ZBTB5: variants seen among roughly 807,000 people sequenced by gnomAD.
The protein encoded by ZBTB5 is zinc finger and BTB domain-containing protein 5.
A neutral mutation model predicts 37.9 loss-of-function variants in ZBTB5; 15 were observed. The observed-to-expected ratio is 0.40, with a 90% confidence interval of 0.26 to 0.61. ZBTB5 has a LOEUF of 0.61. Ranked by LOEUF, ZBTB5 falls within the 20% of genes least tolerant of loss-of-function variation. ZBTB5 has a pLI of 0.47. For synonymous variants in ZBTB5, 315 were observed against 312.4 expected (o/e 1.01, Z -0.09); for missense variants, 708 against 856.8 (o/e 0.83, Z 2.17).
At chr9:37,462,617 G>A (rs898041453) in intron 1 of ZBTB5, among the ~76,000 whole-genome samples, 1 of 147,744 alleles carries the variant, frequency 6.8e-6, no homozygotes, top group Non-Finnish European at 1.5e-5. Context: ...CTCCAAGTGT[G>A]CAGTGGCATG....
rs1177582933 is a variant in ZBTB5, at chr9:37,438,236, A to G, written c.*2282T>C. The G allele has an allele frequency of 2.0e-5, 3 of 152,660 alleles. No homozygotes were observed. Among genetic ancestry groups the G allele is most frequent in the East Asian group, 3.9e-4 (2 of 5,192 alleles). The allele number at this position is 152,660 out of a possible 1,614,324, so 9.5% of individuals were successfully genotyped here. ...ATCTGTTCACCAGAAAAGATTCTAC[A>G]TGATCACGCCAGACTATAATTAAGG... On this transcript the variant is annotated 3_prime_UTR_variant, in exon 2 of 2. Coordinates refer to ENST00000307750, the MANE Select transcript of ZBTB5 (RefSeq NM_014872.3).
intron 1 of ZBTB5, among the ~76,000 whole-genome samples, chr9:37,456,174 C>T (rs889805937): frequency 6.6e-6 from 1 of 152,084 alleles, no homozygotes; most frequent in Non-Finnish European, 1.5e-5. Context: ...TGGTTTCAAA[C>T]TCCTGGGCTC....
chr9:37,448,361 C>T (rs1403295375), intron 1 of ZBTB5, among the ~76,000 whole-genome samples: 1 of 152,166 alleles, frequency 6.6e-6, no homozygotes, highest in African/African-American at 2.4e-5. Flanking sequence ...ATGATTCCAC[C>T]TTGGGAAAGT....
At chr9:37,458,554 C>T (rs1824233085) in intron 1 of ZBTB5, among the ~76,000 whole-genome samples, 1 of 152,180 alleles carries the variant, frequency 6.6e-6, no homozygotes, top group African/African-American at 2.4e-5. Context: ...AATAAGATAA[C>T]TTAGTACTAC....
chr9:37,440,849 G>A lies in ZBTB5; in HGVS notation c.1703C>T (p.Thr568Met), dbSNP rs768533540. The change falls in exon 2 of 2, where the codon ACG (threonine) becomes ATG (methionine). Residue 568 changes from threonine to methionine, a missense_variant. By Grantham distance (81) the Thr-to-Met change is moderately conservative. Coordinates refer to ENST00000307750, the MANE Select transcript of ZBTB5 (RefSeq NM_014872.3). ...AGGATGGCCATTTTCAAATGAGGAC[G>A]TAGCTCCATTCATCATTAGCTGAGA... ...TSSQLMMNGA[T>M]SSFENGHPSQ... 1.1e-5 allele frequency: 18 copies of A among 1,614,076 alleles called. No individual in the cohort carries two copies. Among genetic ancestry groups the A allele is most frequent in the Middle Eastern group, 3.3e-4 (2 of 6,084 alleles).
At chr9:37,465,111 T>C (rs937909094) in intron 1 of ZBTB5, 104 bp downstream of exon 1, 1 of 152,312 alleles carries the variant, frequency 6.6e-6, no homozygotes, top group Non-Finnish European at 1.5e-5. Flanking sequence ...GGGGCACCAG[T>C]ACACGTCTGC....
chr9:37,451,008 G>A (rs112635286), intron 1 of ZBTB5, among the ~76,000 whole-genome samples: 14 of 151,852 alleles, frequency 9.2e-5, no homozygotes, highest in Admixed American at 5.3e-4. Context: ...TGAGACCCCC[G>A]TCTCTACCAA....
chr9:37,440,486 T>G lies in ZBTB5; in HGVS notation c.*32A>C. The G allele has an allele frequency of 6.3e-7, 1 of 1,591,052 alleles. No homozygotes were observed. The highest frequency in any genetic ancestry group is 8.6e-7 in the Non-Finnish European group (1 of 1,162,248). Reference sequence around the variant, plus strand: ...ACCAAAAGAAATTCAGTCTGACAACTGGCCTCAGCGTTGTCTTGTAAGGAC... The same window carrying G: ...ACCAAAAGAAATTCAGTCTGACAACGGGCCTCAGCGTTGTCTTGTAAGGAC... On this transcript the variant is annotated 3_prime_UTR_variant, in exon 2 of 2. Coordinates refer to ENST00000307750, the MANE Select transcript of ZBTB5 (RefSeq NM_014872.3).
chr9:37,465,106 A>C (rs926598755), intron 1 of ZBTB5, 109 bp downstream of exon 1: 3 of 152,312 alleles, frequency 2.0e-5, no homozygotes, highest in African/African-American at 7.2e-5. Context: ...GTCCGGGGGC[A>C]CCAGTACACG....
At chr9:37,445,622 G>A (rs1057410843) in intron 1 of ZBTB5, among the ~76,000 whole-genome samples, 11 of 151,404 alleles carry the variant, frequency 7.3e-5, no homozygotes, top group African/African-American at 2.4e-4. Context: ...CTCTAATCTG[G>A]GAGACAGAGT....
intron 1 of ZBTB5, 128 bp from the exon 2 acceptor site, chr9:37,442,683 T>C: frequency 1.4e-6 from 1 of 705,844 alleles, no homozygotes. Flanking sequence ...ATATCTCTGA[T>C]AATGGGCACA....
intron 1 of ZBTB5, among the ~76,000 whole-genome samples, chr9:37,443,627 A>G (rs1181026446): frequency 6.6e-6 from 1 of 152,200 alleles, no homozygotes; most frequent in African/African-American, 2.4e-5. Context: ...TCCAATTAAA[A>G]AAAACAAAAA....
Position 37,438,104 on chromosome 9 carries a change from T to TC in ZBTB5, c.*2413_*2414insG. On this transcript the variant is annotated 3_prime_UTR_variant, in exon 2 of 2. Coordinates refer to ENST00000307750, the MANE Select transcript of ZBTB5 (RefSeq NM_014872.3). The stretch of plus-strand genomic sequence containing the variant: ...AACGTAAAGAAAAAGAACACATATT[T>TC]AGAGGCATGAATATGACAAATTTTT... 3 of 152,448 alleles carry TC rather than the reference T, an allele frequency of 2.0e-5. No individual in the cohort carries two copies. Among genetic ancestry groups the TC allele is most frequent in the Admixed American group, 2.0e-4 (3 of 15,294 alleles). 9.4% of individuals were successfully genotyped at this position (152,448 alleles called of 1,614,324 possible).
rs755213395 is a variant in ZBTB5 at position 37,441,288 on chromosome 9, TAA to T, written c.1262_1263del (p.Phe421TyrfsTer7). On this transcript the variant is annotated frameshift_variant, in exon 2 of 2. Transcript: ENST00000307750. LOFTEE classifies it high-confidence loss of function. ...TTATCATCATTGTTCTGATTTGCAG[TAA>T]AGTTATTTCCTCTGCTCTTGTTAAG... The part of the protein sequence containing the change: ...NFLNKSRGNN[F>X]TANQNNDDNI... 6.2e-7 allele frequency: 1 copy of T among 1,614,194 alleles called. No individual in the cohort carries two copies. The highest frequency in any genetic ancestry group is 8.5e-7 in the Non-Finnish European group (1 of 1,180,030).
chr9:37,460,021 T>C (rs1180449014), intron 1 of ZBTB5, among the ~76,000 whole-genome samples: 2 of 146,044 alleles, frequency 1.4e-5, no homozygotes, highest in Non-Finnish European at 3.0e-5. Context: ...TTTTTTTTAA[T>C]TTTTAGTAAA....
chr9:37,442,748 G>T (rs201423497), intron 1 of ZBTB5, among the ~76,000 whole-genome samples, 193 bp from the exon 2 acceptor site: 1 of 152,160 alleles, frequency 6.6e-6, no homozygotes, highest in East Asian at 1.9e-4. Context: ...ATCAGCCCAG[G>T]AGGCATGCAC....
intron 1 of ZBTB5, among the ~76,000 whole-genome samples, chr9:37,459,474 A>G (rs1824249778): frequency 6.6e-6 from 1 of 151,644 alleles, no homozygotes; most frequent in African/African-American, 2.4e-5. Context: ...AAAAAAAAAA[A>G]GTTTTCTTTT....
intron 1 of ZBTB5, among the ~76,000 whole-genome samples, chr9:37,464,365 T>G (rs1016872203): frequency 3.3e-5 from 5 of 152,232 alleles, no homozygotes; most frequent in Non-Finnish European, 2.9e-5. Context: ...TCAAGTTAAC[T>G]AGAGTCAGAA....
chr9:37,457,623 G>A (rs1824215430), intron 1 of ZBTB5, among the ~76,000 whole-genome samples: 1 of 152,218 alleles, frequency 6.6e-6, no homozygotes, highest in African/African-American at 2.4e-5. Flanking sequence ...GGTATTTAGT[G>A]GAAATAAGAT....
Sources: gnomAD v4.1 joint callset for allele counts (sites outside exome capture counted in the v4.1 genomes callset) on GRCh38, gnomAD v4.1.1 for gene constraint, MANE v1.5 for transcripts, NCBI Gene and HGNC (gene_info 2026-07-23, HGNC 2026-07-21) for gene names.